Variants in MLXIP observed in about 807,000 individuals in gnomAD.
MLXIP encodes the protein MLX interacting protein, also known as MLX-interacting protein.
MLXIP carries 30 observed loss-of-function variants against 87.2 expected under a neutral mutation model. The ratio of observed to expected loss-of-function variants is 0.34; its 90% CI spans 0.26 to 0.47. MLXIP has a LOEUF of 0.47. Among genes scored for constraint, MLXIP ranks in the 20% least tolerant of loss-of-function variants. The pLI is 1.00. For synonymous variants in MLXIP, 530 were observed against 514.0 expected (o/e 1.03, Z -0.42); for missense variants, 1,002 against 1,240.1 (o/e 0.81, Z 2.88).
In MLXIP at chr12:122,132,216, C is replaced by G; in HGVS notation, c.1001-76C>G. On this transcript the variant is annotated intron_variant, in intron 7 of 16. Transcript: ENST00000319080. ...GGATTACAGGCATGAGCCACCGTGC[C>G]TGGCCCTGTTTGAGTCTTGATTCCA... 3.4e-6 allele frequency: 4 copies of G among 1,186,676 alleles called. 1 individual carries two copies. The highest frequency in any genetic ancestry group is 2.6e-5 in the South Asian group (2 of 76,320). 73.5% of individuals were successfully genotyped at this position (1,186,676 alleles called of 1,614,324 possible).
At chr12:122,092,909 T>TTGTGTGTGATGTGTGTTGG (rs1555227200) in intron 1 of MLXIP, among the ~76,000 whole-genome samples, 977 of 58,942 alleles carry the variant, frequency 0.017, 10 homozygotes, top group Non-Finnish European at 0.021. Flanking sequence ...GTGTGTGTTG[T>TTGTGTGTGATGTGTGTTGG]TGTGTGTGAT....
intron 1 of MLXIP, among the ~76,000 whole-genome samples, chr12:122,116,676 A>G (rs1033618706): frequency 2.0e-5 from 3 of 152,166 alleles, no homozygotes; most frequent in African/African-American, 7.2e-5. Flanking sequence ...CTGACAGGAA[A>G]CTTAAGAACA....
intron 1 of MLXIP, among the ~76,000 whole-genome samples, chr12:122,121,217 C>A (rs1219297014): frequency 6.6e-6 from 1 of 151,288 alleles, no homozygotes; most frequent in African/African-American, 2.4e-5. Flanking sequence ...ACCATGTTGG[C>A]CAGGATGGTC....
intron 1 of MLXIP, among the ~76,000 whole-genome samples, chr12:122,085,811 G>A (rs1482516118): frequency 6.6e-6 from 1 of 152,092 alleles, no homozygotes; most frequent in Non-Finnish European, 1.5e-5. Flanking sequence ...TTGGACAGGT[G>A]TGGTGGGCAG....
In MLXIP at chr12:122,145,260, G is replaced by C. The variant is rs189100105; in HGVS notation, c.*3448G>C. ...AAGCAGCAGACCCCCCCAGTGCTGC[G>C]CATGGTCCCGGAGCTGTCAGCCAGG... On this transcript the variant is annotated 3_prime_UTR_variant, in exon 17 of 17. Transcript: ENST00000319080. The C allele has an allele frequency of 2.0e-5, 3 of 152,288 alleles. No homozygotes were observed. The highest frequency in any genetic ancestry group is 7.2e-5 in the African/African-American group (3 of 41,450). The allele number at this position is 152,288 out of a possible 1,614,324, so 9.4% of individuals were successfully genotyped here. A position where few individuals can be genotyped will look rare whatever the true frequency, so the allele number is the denominator to read the frequency against.
At chr12:122,086,175 C>G (rs145804679) in intron 1 of MLXIP, among the ~76,000 whole-genome samples, 2,263 of 152,250 alleles carry the variant, frequency 0.015, 49 homozygotes, top group African/African-American at 0.052. Flanking sequence ...AAGAACGCAG[C>G]CCTGCTGAAT....
intron 1 of MLXIP, among the ~76,000 whole-genome samples, chr12:122,100,068 T>C (rs1042860784): frequency 6.6e-6 from 1 of 152,152 alleles, no homozygotes; most frequent in African/African-American, 2.4e-5. Flanking sequence ...GTGTTTTTTT[T>C]TTCTCAAAGA....
Position 122,078,818 on chromosome 12 carries a change from C to G in MLXIP, c.-36C>G, listed in dbSNP as rs1292622730. On this transcript the variant is annotated 5_prime_UTR_variant, in exon 1 of 17. Transcript: ENST00000319080. Reference sequence around the variant, plus strand: ...GCCTCGCGCGCTTGTCGCGTTGCCCCGGGCTCCGGGGGATGCCCCCGGCCG... The same window carrying G: ...GCCTCGCGCGCTTGTCGCGTTGCCCGGGGCTCCGGGGGATGCCCCCGGCCG... 2.6e-5 allele frequency: 27 copies of G among 1,042,590 alleles called. No individual in the cohort carries two copies. The highest frequency in any genetic ancestry group is 5.2e-5 in the African/African-American group (3 of 57,694). The allele number at this position is 1,042,590 out of a possible 1,614,324, so 64.6% of individuals were successfully genotyped here.
intron 1 of MLXIP, among the ~76,000 whole-genome samples, chr12:122,085,090 C>G (rs1952146715): frequency 6.6e-6 from 1 of 152,058 alleles, no homozygotes; most frequent in Non-Finnish European, 1.5e-5. Flanking sequence ...ATGCCAGTTC[C>G]TCTCCAGAGC....
chr12:122,097,222 A>G lies in MLXIP; in HGVS notation c.413+17956A>G, dbSNP rs533801798. On this transcript the variant is annotated intron_variant, in intron 1 of 16. Transcript: ENST00000319080. The stretch of plus-strand genomic sequence containing the variant: ...GCTCTGTCACCCAGGCTGGAGTGCA[A>G]TGGTGTGATCACAGCTCACTGCAGC... 1.2e-4 allele frequency among the ~76,000 whole-genome samples: 18 copies of G among 152,142 alleles called. No homozygotes were observed. In the South Asian group the frequency reaches 1.7e-3, roughly 14 times the overall value.
At chr12:122,131,956 G>A (rs1952988752) in intron 7 of MLXIP, among the ~76,000 whole-genome samples, 2 of 118,216 alleles carry the variant, frequency 1.7e-5, no homozygotes, top group Admixed American at 1.2e-4. Flanking sequence ...CGGGAATCTC[G>A]CTCTGTCATC....
rs1427846466 is a variant in MLXIP, at chr12:122,131,911, CCTTTTTT to C, written c.1001-380_1001-374del. On this transcript the variant is annotated intron_variant, in intron 7 of 16. Coordinates refer to ENST00000319080, the MANE Select transcript of MLXIP (RefSeq NM_014938.6). ...CCAGGCATGGTGGTTGTGGTTGGCA[CCTTTTTT>C]TTTTTTTTTTTTTTTTTTTTTTTGA... 7.1e-5 allele frequency among the ~76,000 whole-genome samples: 9 copies of C among 126,916 alleles called. No homozygotes were observed. The South Asian group carries it at 1.3e-3, about 19-fold the overall frequency. The allele number at this position is 126,916 out of a possible 152,430, so 83.3% of individuals were successfully genotyped here.
Position 122,103,231 on chromosome 12 carries a change from T to A in MLXIP, c.413+23965T>A, listed in dbSNP as rs143833355. Among the ~76,000 whole-genome samples the A allele has an allele frequency of 2.4e-4, 11 of 45,400 alleles. 1 individual carries two copies. The highest frequency in any genetic ancestry group is 1.5e-3 in the East Asian group (2 of 1,320). The allele number at this position is 45,400 out of a possible 152,430, so 29.8% of individuals were successfully genotyped here. On this transcript the variant is annotated intron_variant, in intron 1 of 16. Transcript: ENST00000319080. ...TTTATTTATTTATTTATTTATTTAT[T>A]TATTTATTTTTGAGGCAGAGTTTCA... is the stretch of plus-strand genomic sequence containing the variant.
chr12:122,083,722 A>G (rs1952125107), intron 1 of MLXIP, among the ~76,000 whole-genome samples: 1 of 152,172 alleles, frequency 6.6e-6, no homozygotes, highest in Non-Finnish European at 1.5e-5. Context: ...CTAACCCTTC[A>G]TTCTTGATCA....
At chr12:122,134,866 G>A in intron 9 of MLXIP, 1 of 322,550 alleles carries the variant, frequency 3.1e-6, no homozygotes, top group South Asian at 2.5e-5. Context: ...TAGAGATGGG[G>A]TTTCACCACA....
At chr12:122,132,858 C>T (rs1953005289) in intron 8 of MLXIP, 1 of 170,762 alleles carries the variant, frequency 5.9e-6, no homozygotes, top group African/African-American at 2.4e-5. Context: ...GGTAACCTGG[C>T]ACCATCTTCA....
intron 1 of MLXIP, among the ~76,000 whole-genome samples, chr12:122,114,991 C>T (rs1273978668): frequency 6.6e-6 from 1 of 151,908 alleles, no homozygotes; most frequent in Non-Finnish European, 1.5e-5. Flanking sequence ...AAATGATCCA[C>T]CTGCCTCAGC....
At chr12:122,134,363 TTTTG>T (rs565479410) in intron 9 of MLXIP, 13 of 216,002 alleles carry the variant, frequency 6.0e-5, no homozygotes, top group East Asian at 3.7e-4. Flanking sequence ...CTCGGCTAAT[TTTTG>T]TTTGTTTGTT....
chr12:122,134,222 A>C, intron 9 of MLXIP: 1 of 542,270 alleles, frequency 1.8e-6, no homozygotes, highest in Non-Finnish European at 3.0e-6. Flanking sequence ...TTTTTTTGAG[A>C]CAGTCTCTGT....
Sources: gnomAD v4.1 joint callset for allele counts (sites outside exome capture counted in the v4.1 genomes callset) on GRCh38, gnomAD v4.1.1 for gene constraint, MANE v1.5 for transcripts, NCBI Gene and HGNC (gene_info 2026-07-23, HGNC 2026-07-21) for gene names.